Variants in PIK3C3 observed in about 807,000 individuals in gnomAD.
PIK3C3 encodes phosphatidylinositol 3-kinase catalytic subunit type 3.
Under a neutral mutation model 126.1 loss-of-function variants are expected in PIK3C3, and 95 were observed. The observed-to-expected ratio is 0.75, with a 90% CI of 0.64 to 0.89. The LOEUF (loss-of-function observed/expected upper bound fraction) is 0.89, where lower values mean the gene tolerates loss of function less well. Ranked by LOEUF, PIK3C3 falls within the 40% of genes least tolerant of loss-of-function variation. The pLI is 0.00. For synonymous variants in PIK3C3, 374 were observed against 360.0 expected, an observed-to-expected ratio of 1.04 and a Z score of -0.44; for missense variants, 829 against 1,063.2, an observed-to-expected ratio of 0.78 and a Z score of 3.06.
At chr18:41,957,538 T>C (rs957252733) in intron 1 of PIK3C3, 32 bp from the exon 2 acceptor site, 4 of 1,593,898 alleles carry the variant, frequency 2.5e-6, no homozygotes, top group Admixed American at 1.9e-5. Flanking sequence ...AAAAAATTCA[T>C]GTCTGAAACA....
intron 12 of PIK3C3, among the ~76,000 whole-genome samples, chr18:42,017,044 TA>T (rs1375927843): frequency 2.6e-5 from 4 of 152,140 alleles, no homozygotes; most frequent in African/African-American, 9.6e-5. Flanking sequence ...TTAAGCCATT[TA>T]ACTTTTTGTC....
intron 21 of PIK3C3, among the ~76,000 whole-genome samples, chr18:42,053,402 G>A (rs567434512): frequency 1.1e-4 from 16 of 152,276 alleles, no homozygotes; most frequent in Non-Finnish European, 2.1e-4. Flanking sequence ...CACCATAAAT[G>A]TAAAAGTGTA....
Position 42,053,262 on chromosome 18 carries a change from G to A in PIK3C3, c.2263+3657G>A, listed in dbSNP as rs146028927. ...ATGTCAAAATCTATACAAGAGTAAT[G>A]TTCTCAAATGCAAAATATTAGTCTC... On this transcript the variant is annotated intron_variant, in intron 21 of 24. Transcript: ENST00000262039. Among the ~76,000 whole-genome samples, 20 of 152,256 alleles carry A rather than the reference G, an allele frequency of 1.3e-4. No homozygotes were observed. The East Asian group carries it at 3.9e-3, about 29-fold the overall frequency.
chr18:42,031,604 A>AT (rs1218269212), intron 15 of PIK3C3, among the ~76,000 whole-genome samples: 1 of 151,868 alleles, frequency 6.6e-6, no homozygotes, highest in Non-Finnish European at 1.5e-5. Context: ...TTTAGTAAAG[A>AT]TGGGGGGGTT....
chr18:41,961,330 T>G (rs1363013908), intron 2 of PIK3C3, among the ~76,000 whole-genome samples: 1 of 152,232 alleles, frequency 6.6e-6, no homozygotes, highest in Admixed American at 6.5e-5. Context: ...CACTGCTTAG[T>G]GTTTTTCTTT....
At chr18:42,043,123 G>A (rs1409864703) in intron 19 of PIK3C3, among the ~76,000 whole-genome samples, 2 of 150,126 alleles carry the variant, frequency 1.3e-5, no homozygotes, top group African/African-American at 2.5e-5. Context: ...TTTGTGAGAC[G>A]GAGTCTTGCT....
chr18:42,003,489 C>T (rs530059378), intron 9 of PIK3C3, among the ~76,000 whole-genome samples: 1 of 152,236 alleles, frequency 6.6e-6, no homozygotes, highest in African/African-American at 2.4e-5. Context: ...GTTGCTCAGG[C>T]TGGTCTTGAA....
chr18:42,079,788 G>A (rs1247475920), intron 24 of PIK3C3, among the ~76,000 whole-genome samples: 1 of 152,006 alleles, frequency 6.6e-6, no homozygotes, highest in Admixed American at 6.6e-5. Context: ...TAGACCCTTT[G>A]CAGTTTGGCT....
Position 42,085,576 on chromosome 18 carries a change from A to G in PIK3C3, c.*4439A>G, listed in dbSNP as rs1267620660. 2 of 152,334 alleles carry G rather than the reference A, an allele frequency of 1.3e-5. No homozygotes were observed. Among genetic ancestry groups the G allele is most frequent in the Non-Finnish European group, 2.9e-5 (2 of 68,018 alleles). 9.4% of individuals were successfully genotyped at this position (152,334 alleles called of 1,614,324 possible). On this transcript the variant is annotated 3_prime_UTR_variant, in exon 25 of 25. Coordinates refer to ENST00000262039, the MANE Select transcript of PIK3C3 (RefSeq NM_002647.4). ...AATGAGTCTAGTGGACCCACTGCATAGTGTAACTTTGGGATGAATTTAAAA... is the reference window on the plus strand; with the variant it reads ...AATGAGTCTAGTGGACCCACTGCATGGTGTAACTTTGGGATGAATTTAAAA...
intron 24 of PIK3C3, among the ~76,000 whole-genome samples, chr18:42,073,558 G>A (rs2144529773): frequency 6.6e-6 from 1 of 152,294 alleles, no homozygotes; most frequent in African/African-American, 2.4e-5. Context: ...AAAATTCTGA[G>A]TGTTTGGTAT....
At chr18:42,016,643 A>G (rs1402070507) in intron 12 of PIK3C3, among the ~76,000 whole-genome samples, 1 of 152,164 alleles carries the variant, frequency 6.6e-6, no homozygotes, top group African/African-American at 2.4e-5. Flanking sequence ...TCTGGGGAAG[A>G]GCATTTCAGA....
At chr18:42,072,820 C>G (rs1985831709) in intron 24 of PIK3C3, among the ~76,000 whole-genome samples, 1 of 152,160 alleles carries the variant, frequency 6.6e-6, no homozygotes, top group Non-Finnish European at 1.5e-5. Flanking sequence ...CAAGCACGAG[C>G]CACCATGTCT....
chr18:42,036,348 A>T (rs1984048338), intron 16 of PIK3C3, among the ~76,000 whole-genome samples: 2 of 152,008 alleles, frequency 1.3e-5, no homozygotes, highest in South Asian at 4.1e-4. Flanking sequence ...GTTTTGTCAC[A>T]TCTGTTCATC....
At chr18:41,966,992 C>A (rs1194280779) in intron 3 of PIK3C3, among the ~76,000 whole-genome samples, 2 of 152,134 alleles carry the variant, frequency 1.3e-5, no homozygotes, top group Non-Finnish European at 2.9e-5. Flanking sequence ...TTGTACTGAC[C>A]TTCACCTCAG....
chr18:42,045,714 A>G (rs1984530329), intron 20 of PIK3C3, among the ~76,000 whole-genome samples: 1 of 152,162 alleles, frequency 6.6e-6, no homozygotes, highest in Non-Finnish European at 1.5e-5. Flanking sequence ...AGGGGACGGA[A>G]TATATATAGA....
Position 42,000,945 on chromosome 18 carries a change from C to G in PIK3C3, c.985-3411C>G, listed in dbSNP as rs373784580. On this transcript the variant is annotated intron_variant, in intron 9 of 24. Coordinates refer to ENST00000262039, the MANE Select transcript of PIK3C3 (RefSeq NM_002647.4). ...CCACACCATATCAGTAAGGATATAT[C>G]GCAAGTGGGAAGAAACGAATGAGAT... Among the ~76,000 whole-genome samples, 338 of 152,156 alleles carry G rather than the reference C, an allele frequency of 2.2e-3. 1 individual carries two copies. The highest frequency in any genetic ancestry group is 7.5e-3 in the African/African-American group (312 of 41,512).
At position 41,987,832 on chromosome 18, in the gene PIK3C3, A is replaced by G. The variant is rs757573226; in HGVS notation, c.552A>G (p.Gln184=). The G allele has an allele frequency of 1.6e-5, 25 of 1,607,836 alleles. No homozygotes were observed. Among genetic ancestry groups the G allele is most frequent in the South Asian group, 1.0e-4 (9 of 89,654 alleles). The change falls in exon 5 of 25, where the codon CAA becomes CAG. Residue 184 remains glutamine, a synonymous_variant. Coordinates refer to ENST00000262039, the MANE Select transcript of PIK3C3 (RefSeq NM_002647.4). ...RLAKLTKAHR[Q]GHMVKVDWLD... is the part of the protein sequence containing the mutation. ...TGCAGCTCACCAAAGCTCATCGACA[A>G]GGACACATGGTGAAAGTAGATTGGC...
chr18:42,058,356 A>C (rs1985166418), intron 22 of PIK3C3, among the ~76,000 whole-genome samples: 1 of 152,334 alleles, frequency 6.6e-6, no homozygotes, highest in South Asian at 2.1e-4. Context: ...ATGTCACTTT[A>C]ATAAAGTATA....
chr18:41,979,088 G>A (rs918681265), intron 4 of PIK3C3, among the ~76,000 whole-genome samples: 20 of 98,848 alleles, frequency 2.0e-4, no homozygotes, highest in African/African-American at 7.5e-4. Flanking sequence ...AAAAAAAAAA[G>A]AGTTCACATA....
Sources: gnomAD v4.1 joint callset for allele counts (sites outside exome capture counted in the v4.1 genomes callset) on GRCh38, gnomAD v4.1.1 for gene constraint, MANE v1.5 for transcripts, NCBI Gene and HGNC (gene_info 2026-07-23, HGNC 2026-07-21) for gene names.